UGT2B11: variants seen among roughly 807,000 people sequenced by gnomAD.
The protein encoded by UGT2B11 is UDP-glucuronosyltransferase 2B11.
In UGT2B11, 49 loss-of-function variants were observed where a neutral mutation model predicts 51.7. That is an observed-to-expected ratio of 0.95 (90% CI 0.75 to 1.20). The LOEUF (loss-of-function observed/expected upper bound fraction) is 1.20. Among genes scored for constraint, UGT2B11 ranks in the 50% most tolerant of loss-of-function variants. UGT2B11 has a pLI of 0.00. For synonymous variants in UGT2B11, 273 were observed against 209.0 expected, an observed-to-expected ratio of 1.31 and a Z score of -2.64; for missense variants, 810 against 622.1, an observed-to-expected ratio of 1.30 and a Z score of -3.21.
At chr4:69,206,750 G>A (rs551613818) in intron 3 of UGT2B11, among the ~76,000 whole-genome samples, 2 of 151,610 alleles carry the variant, frequency 1.3e-5, no homozygotes, top group African/African-American at 4.8e-5. Flanking sequence ...GTAATGACCT[G>A]TATGTTTGTT....
At position 69,204,607 on chromosome 4, in the gene UGT2B11, T is replaced by C. The variant is rs745660378; in HGVS notation, c.1133A>G (p.Asn378Ser). The C allele has an allele frequency of 3.2e-5, 52 of 1,611,910 alleles. No individual in the cohort carries two copies. In the East Asian group the frequency reaches 4.0e-4, roughly 12 times the overall value. Residue 378 changes from asparagine (N) to serine (S), a missense_variant, in exon 5 of 6, where the codon AAT becomes AGT. Physicochemically the swap from Asn to Ser is conservative, Grantham distance 46. Coordinates refer to ENST00000446444, the MANE Select transcript of UGT2B11 (RefSeq NM_001073.3). ...TRAFITHGGA[N>S]GIYEAIYHGI... ...ATGGTAGATTGCCTCATAGATGCCA[T>C]TGGCTCCACCATGAGTTATAAAAGC...
In UGT2B11 at chr4:69,213,076, C is replaced by T. The variant is rs144744498; in HGVS notation, c.722-355G>A. Among the ~76,000 whole-genome samples the T allele has an allele frequency of 6.5e-3, 983 of 151,506 alleles. 52 individuals are homozygous for T. In the East Asian group the frequency reaches 0.13, roughly 20 times the overall value. Reference sequence around the variant, plus strand: ...TAAACAACTCTTTGAGCTCCATAATCAATTAATTCTACTGTACCCATAAAA... The same window carrying T: ...TAAACAACTCTTTGAGCTCCATAATTAATTAATTCTACTGTACCCATAAAA... On this transcript the variant is annotated intron_variant, in intron 1 of 5. Transcript: ENST00000446444.
chr4:69,205,565 A>T lies in UGT2B11; in HGVS notation c.1005T>A (p.Val335=). 6.2e-7 allele frequency: 1 copy of T among 1,609,580 alleles called. No homozygotes were observed. Among genetic ancestry groups the T allele is most frequent in the Non-Finnish European group, 8.5e-7 (1 of 1,177,540 alleles). The change falls in exon 4 of 6, where the codon GTT becomes GTA. Residue 335 remains valine, a splice_region_variant and synonymous_variant. Transcript: ENST00000446444. The part of the protein sequence containing the change: ...ATALAKIPQK[V]LWRFDGNKPD... ...GTTTATTCCCGTCAAATCTCCACAG[A>T]ACCTGTTACAGTAAAGAGAATATCT...
intron 5 of UGT2B11, among the ~76,000 whole-genome samples, chr4:69,203,647 G>A (rs1721744081): frequency 1.3e-5 from 2 of 151,604 alleles, no homozygotes; most frequent in Admixed American, 1.3e-4. Context: ...TATTACACAA[G>A]TGGAAAGGAA....
chr4:69,203,894 A>T (rs1276339217), intron 5 of UGT2B11, among the ~76,000 whole-genome samples: 3 of 150,890 alleles, frequency 2.0e-5, no homozygotes. Context: ...TGTTGATAAA[A>T]ATGTTCTAAA....
intron 3 of UGT2B11, among the ~76,000 whole-genome samples, chr4:69,206,117 T>A (rs1333282629): frequency 6.6e-6 from 1 of 151,342 alleles, no homozygotes; most frequent in African/African-American, 2.4e-5. Flanking sequence ...AGCAATCCCA[T>A]TACTGGGTAT....
At chr4:69,200,845 TTGTG>T in intron 5 of UGT2B11, 126 bp from the exon 6 acceptor site, 1 of 1,199,868 alleles carries the variant, frequency 8.3e-7, no homozygotes, top group Non-Finnish European at 1.1e-6. Flanking sequence ...GACAGAGAAT[TTGTG>T]TATTTTAATT....
chr4:69,211,011 T>A (rs1430497237), intron 2 of UGT2B11: 2 of 151,576 alleles, frequency 1.3e-5, no homozygotes, highest in Non-Finnish European at 3.0e-5. Flanking sequence ...GTGGTAGAAA[T>A]TATTTCGTCT....
chr4:69,221,840 G>A, the UGT2B11 span, among the ~76,000 whole-genome samples: 4 of 152,198 alleles, frequency 2.6e-5, no homozygotes, highest in Non-Finnish European at 4.4e-5. Flanking sequence ...ATGAGCTGGC[G>A]CTTGCCCCAG....
At chr4:69,224,597 A>G in the UGT2B11 span, among the ~76,000 whole-genome samples, 1 of 151,334 alleles carries the variant, frequency 6.6e-6, no homozygotes, top group Non-Finnish European at 1.5e-5. Flanking sequence ...GTCTGATCAT[A>G]CTCACCACGT....
chr4:69,206,550 A>G lies in UGT2B11; in HGVS notation c.1003-983T>C, dbSNP rs142352464. On this transcript the variant is annotated intron_variant, in intron 3 of 5. Coordinates refer to ENST00000446444, the MANE Select transcript of UGT2B11 (RefSeq NM_001073.3). ...TTAGTCTTAATACCTGAGTGATGAC[A>G]CAATCAGTACAACAAACCCCCATGA... 9.0e-3 allele frequency among the ~76,000 whole-genome samples: 1,367 copies of G among 151,688 alleles called. 31 individuals carry two copies. Among genetic ancestry groups the G allele is most frequent in the African/African-American group, 0.031 (1,302 of 41,478 alleles).
At chr4:69,208,595 G>A in intron 2 of UGT2B11, 113 bp from the exon 3 acceptor site, 1 of 1,509,984 alleles carries the variant, frequency 6.6e-7, no homozygotes, top group Non-Finnish European at 8.9e-7. Flanking sequence ...GGAATTATTG[G>A]AATTAATAAT....
At chr4:69,206,765 GTATTT>G in intron 3 of UGT2B11, among the ~76,000 whole-genome samples, 1 of 151,636 alleles carries the variant, frequency 6.6e-6, no homozygotes, top group Middle Eastern at 3.4e-3. Flanking sequence ...TTTGTTTTAT[GTATTT>G]TATATTAGTT....
intron 5 of UGT2B11, among the ~76,000 whole-genome samples, chr4:69,203,585 C>T (rs1721742026): frequency 6.6e-6 from 1 of 151,518 alleles, no homozygotes; most frequent in African/African-American, 2.4e-5. Flanking sequence ...AATCAAAAGG[C>T]CAATGAACTG....
At chr4:69,221,471 G>T in the UGT2B11 span, among the ~76,000 whole-genome samples, 3 of 152,320 alleles carry the variant, frequency 2.0e-5, no homozygotes, top group South Asian at 4.1e-4. Flanking sequence ...CTAAGGCCCA[G>T]ACCTCGAAGT....
the UGT2B11 span, among the ~76,000 whole-genome samples, chr4:69,220,058 A>C: frequency 6.6e-6 from 1 of 152,204 alleles, no homozygotes; most frequent in East Asian, 1.9e-4. Context: ...ACAATGAAGA[A>C]ACAGGCATTG....
intron 3 of UGT2B11, among the ~76,000 whole-genome samples, chr4:69,205,910 A>G (rs976492326): frequency 5.3e-5 from 8 of 151,732 alleles, no homozygotes; most frequent in Non-Finnish European, 1.2e-4. Context: ...AATTCAAATC[A>G]AAACCATAAT....
intron 3 of UGT2B11, among the ~76,000 whole-genome samples, chr4:69,206,073 T>C (rs1377238763): frequency 6.6e-6 from 1 of 151,522 alleles, no homozygotes; most frequent in Non-Finnish European, 1.5e-5. Flanking sequence ...TGGCCATTCC[T>C]CAGAAACCTA....
At position 69,208,277 on chromosome 4, in the gene UGT2B11, T is replaced by A. The variant is rs983732583; in HGVS notation, c.1002+74A>T. The A allele has an allele frequency of 6.3e-6, 10 of 1,591,062 alleles. No individual in the cohort carries two copies. In the African/African-American group the frequency reaches 1.4e-4, roughly 22 times the overall value. ...AAAGAGTTCACTCTACTCTTAATAT[T>A]CTTTCTATGTAGATCACAAACATTA... On this transcript the variant is annotated intron_variant, in intron 3 of 5. Coordinates refer to ENST00000446444, the MANE Select transcript of UGT2B11 (RefSeq NM_001073.3).
Sources: allele counts gnomAD v4.1 joint callset (sites outside exome capture counted in the v4.1 genomes callset), GRCh38; gene constraint gnomAD v4.1.1; transcripts MANE v1.5; gene names NCBI Gene and HGNC (gene_info 2026-07-23, HGNC 2026-07-21).